Variants in VAV3 observed in about 807,000 individuals in gnomAD.
The protein encoded by VAV3 is guanine nucleotide exchange factor VAV3.
Under a neutral mutation model 131.2 loss-of-function variants are expected in VAV3, and 94 were observed. The ratio of observed to expected loss-of-function variants is 0.72; its 90% CI spans 0.61 to 0.85. The LOEUF (loss-of-function observed/expected upper bound fraction) is 0.85, where lower values mean the gene tolerates loss of function less well. Among genes scored for constraint, VAV3 ranks in the 40% least tolerant of loss-of-function variants. VAV3 has a pLI of 0.00. For synonymous variants in VAV3, 349 were observed against 342.0 expected, an observed-to-expected ratio of 1.02 and a Z score of -0.22; for missense variants, 939 against 1,002.7, an observed-to-expected ratio of 0.94 and a Z score of 0.86.
At chr1:107,887,501 C>T (rs574751525) in intron 1 of VAV3, among the ~76,000 whole-genome samples, 1 of 152,320 alleles carries the variant, frequency 6.6e-6, no homozygotes, top group South Asian at 2.1e-4. Flanking sequence ...TATGAATCTT[C>T]TATGAAATGT....
intron 19 of VAV3, among the ~76,000 whole-genome samples, chr1:107,648,530 T>C (rs1655909513): frequency 6.6e-6 from 1 of 152,014 alleles, no homozygotes; most frequent in Non-Finnish European, 1.5e-5. Flanking sequence ...AAATGCCATG[T>C]ACTTGGCAGA....
At chr1:107,583,683 G>T (rs1302013661) in intron 25 of VAV3, among the ~76,000 whole-genome samples, 3 of 151,162 alleles carry the variant, frequency 2.0e-5, no homozygotes, top group Non-Finnish European at 1.5e-5. Context: ...AAATACCTAG[G>T]AATCCAACTT....
chr1:107,605,982 G>A (rs1570599204), intron 22 of VAV3, among the ~76,000 whole-genome samples: 1 of 152,166 alleles, frequency 6.6e-6, no homozygotes, highest in Non-Finnish European at 1.5e-5. Context: ...AGCCCTCCAC[G>A]CTCTTCTAAT....
At chr1:107,905,496 T>G (rs1177309612) in intron 1 of VAV3, among the ~76,000 whole-genome samples, 1 of 152,150 alleles carries the variant, frequency 6.6e-6, no homozygotes, top group Non-Finnish European at 1.5e-5. Context: ...CCATGGTAAC[T>G]GTTCATGGAA....
intron 15 of VAV3, among the ~76,000 whole-genome samples, chr1:107,712,614 G>T (rs894375744): frequency 6.6e-6 from 1 of 152,120 alleles, no homozygotes; most frequent in Non-Finnish European, 1.5e-5. Flanking sequence ...ATATGTGCAA[G>T]GACTTGGTAT....
intron 19 of VAV3, among the ~76,000 whole-genome samples, chr1:107,650,249 C>T (rs1656056320): frequency 6.6e-6 from 1 of 152,228 alleles, no homozygotes; most frequent in South Asian, 2.1e-4. Context: ...TCCTTTCCTA[C>T]ACTCATTCTG....
chr1:107,811,335 G>C (rs1667306766), intron 2 of VAV3, among the ~76,000 whole-genome samples: 1 of 152,116 alleles, frequency 6.6e-6, no homozygotes, highest in Non-Finnish European at 1.5e-5. Flanking sequence ...ATCTGCACAG[G>C]GTAAGATACT....
At chr1:107,672,160 T>G (rs1022734275) in intron 19 of VAV3, 3 of 151,100 alleles carry the variant, frequency 2.0e-5, no homozygotes, top group Admixed American at 1.3e-4. Context: ...TCTCAGCTAC[T>G]TGGGTGGCTG....
intron 2 of VAV3, among the ~76,000 whole-genome samples, chr1:107,856,661 A>G (rs929271059): frequency 9.2e-5 from 14 of 152,208 alleles, no homozygotes; most frequent in African/African-American, 3.4e-4. Context: ...GCTTCTCGAA[A>G]ATTGGCTGAA....
chr1:107,944,245 T>G (rs1052657653), intron 1 of VAV3, among the ~76,000 whole-genome samples: 7 of 152,222 alleles, frequency 4.6e-5, no homozygotes, highest in African/African-American at 1.7e-4. Flanking sequence ...CCTCTCCCCA[T>G]GTGGTAAGCC....
At chr1:107,596,565 C>A (rs1050956770) in intron 24 of VAV3, among the ~76,000 whole-genome samples, 4 of 146,874 alleles carry the variant, frequency 2.7e-5, no homozygotes, top group African/African-American at 4.9e-5. Flanking sequence ...ATATGAGTTA[C>A]CCCCTATTGT....
chr1:107,757,331 T>C lies in VAV3; in HGVS notation c.1018-2A>G, dbSNP rs1165028697. On this transcript the variant is annotated splice_acceptor_variant, in intron 10 of 26. Coordinates refer to ENST00000370056, the MANE Select transcript of VAV3 (RefSeq NM_006113.5). LOFTEE classifies it high-confidence loss of function. ...ATCAGTGGTATGTTTGACCAGTTCCTATTTGGAAGATATGGTTTAGTACTA... is the reference window on the plus strand; with the variant it reads ...ATCAGTGGTATGTTTGACCAGTTCCCATTTGGAAGATATGGTTTAGTACTA... 1 of 1,611,318 alleles carries C rather than the reference T, an allele frequency of 6.2e-7. No individual in the cohort carries two copies. The highest frequency in any genetic ancestry group is 8.5e-7 in the Non-Finnish European group (1 of 1,179,134).
chr1:107,886,081 G>A (rs1557902091), intron 1 of VAV3, among the ~76,000 whole-genome samples: 1 of 152,174 alleles, frequency 6.6e-6, no homozygotes, highest in Non-Finnish European at 1.5e-5. Flanking sequence ...AAAAGGCCTG[G>A]CCAAAATTTT....
chr1:107,710,568 T>A (rs1660729363), intron 15 of VAV3, among the ~76,000 whole-genome samples: 1 of 152,182 alleles, frequency 6.6e-6, no homozygotes, highest in Non-Finnish European at 1.5e-5. Flanking sequence ...TTTATTATTA[T>A]TAATACTTAC....
chr1:107,663,768 T>C (rs1370832188), intron 19 of VAV3, among the ~76,000 whole-genome samples: 1 of 152,238 alleles, frequency 6.6e-6, no homozygotes, highest in Non-Finnish European at 1.5e-5. Context: ...CAGCTACTTA[T>C]GGATCTTAAA....
At chr1:107,939,833 G>A (rs1673899920) in intron 1 of VAV3, among the ~76,000 whole-genome samples, 1 of 152,098 alleles carries the variant, frequency 6.6e-6, no homozygotes, top group South Asian at 2.1e-4. Flanking sequence ...TGCTCTTGGG[G>A]AATACTTAAT....
chr1:107,884,404 AT>A (rs1300514816), intron 1 of VAV3, among the ~76,000 whole-genome samples: 7 of 112,298 alleles, frequency 6.2e-5, no homozygotes, highest in South Asian at 6.0e-4. Flanking sequence ...AAAATAAATT[AT>A]TTATTATTAT....
chr1:107,923,874 G>C (rs528943264), intron 1 of VAV3, among the ~76,000 whole-genome samples: 33 of 152,196 alleles, frequency 2.2e-4, no homozygotes, highest in Non-Finnish European at 4.6e-4. Flanking sequence ...ATCTTGTAAG[G>C]ACACAATGAG....
intron 1 of VAV3, among the ~76,000 whole-genome samples, chr1:107,942,085 G>T (rs975483508): frequency 6.6e-6 from 1 of 152,066 alleles, no homozygotes; most frequent in Non-Finnish European, 1.5e-5. Flanking sequence ...ATACCTGCCT[G>T]CCCAATCACA....
Sources: gnomAD v4.1 joint callset for allele counts (sites outside exome capture counted in the v4.1 genomes callset) on GRCh38, gnomAD v4.1.1 for gene constraint, MANE v1.5 for transcripts, NCBI Gene and HGNC (gene_info 2026-07-23, HGNC 2026-07-21) for gene names.